The following ARFGEF1 variants were observed in gnomAD, a reference collection of about 807,000 sequenced individuals.
ARFGEF1 encodes brefeldin A-inhibited guanine nucleotide-exchange protein 1.
A neutral mutation model predicts 231.0 loss-of-function variants in ARFGEF1; 42 were observed. That is an observed-to-expected ratio of 0.18 (90% CI 0.14 to 0.24). The LOEUF is 0.24. ARFGEF1 is among the 10% of genes least tolerant of loss of function. The probability of loss-of-function intolerance (pLI) is 1.00; values close to 1 mark genes in which losing one functional copy is unlikely to be tolerated. For missense variants in ARFGEF1, 1,345 were observed against 2,192.0 expected, an observed-to-expected ratio of 0.61 and a Z score of 7.72; for synonymous variants, 710 against 732.3, an observed-to-expected ratio of 0.97 and a Z score of 0.49.
intron 5 of ARFGEF1, among the ~76,000 whole-genome samples, chr8:67,178,665 G>T (rs1832265256): frequency 6.6e-6 from 1 of 152,182 alleles, no homozygotes; most frequent in Non-Finnish European, 1.5e-5. Context: ...TCAGGGAGGT[G>T]TCTATGGGAA....
At chr8:67,339,538 C>G (rs1185816026) in intron 1 of ARFGEF1, among the ~76,000 whole-genome samples, 1 of 152,084 alleles carries the variant, frequency 6.6e-6, no homozygotes, top group Non-Finnish European at 1.5e-5. Context: ...ATGCTACCTT[C>G]AAGCCCAATC....
chr8:67,325,074 C>T (rs965371248), intron 1 of ARFGEF1, among the ~76,000 whole-genome samples: 6 of 151,992 alleles, frequency 3.9e-5, no homozygotes, highest in African/African-American at 1.5e-4. Context: ...CCACCATGCC[C>T]GGCTAATTTT....
intron 20 of ARFGEF1, among the ~76,000 whole-genome samples, chr8:67,239,723 G>A (rs1416974786): frequency 6.6e-6 from 1 of 151,866 alleles, no homozygotes; most frequent in African/African-American, 2.4e-5. Context: ...TTACTAGAAA[G>A]GACTTCTTTC....
intron 34 of ARFGEF1, among the ~76,000 whole-genome samples, chr8:67,207,903 T>C (rs111485471): frequency 0.025 from 3,798 of 152,202 alleles, 107 homozygotes; most frequent in South Asian, 0.047. Flanking sequence ...AAGGATGCAG[T>C]CTGACCCCAC....
At position 67,238,414 on chromosome 8, in the gene ARFGEF1, A is replaced by G. The variant is rs1839833457; in HGVS notation, c.3218T>C (p.Val1073Ala). Reference protein sequence around the residue: ...GVKPRYISGTVRGREGSLTGT... With the variant: ...GVKPRYISGTARGREGSLTGT... ...AGTAAGAGATCCTTCTCTGCCTCGC[A>G]CTGTTCCAGAAATGTATCGAGGTTT... The change falls in exon 22 of 39, where the codon GTG becomes GCG. Residue 1073 changes from valine (V) to alanine (A), a missense_variant. Val to Ala is a moderately conservative substitution (Grantham distance 64). Coordinates refer to ENST00000262215, the MANE Select transcript of ARFGEF1 (RefSeq NM_006421.5). 6.2e-7 allele frequency: 1 copy of G among 1,614,040 alleles called. No individual in the cohort carries two copies.
chr8:67,289,549 C>CAAAAA (rs552601455), intron 6 of ARFGEF1, among the ~76,000 whole-genome samples: 6 of 44,830 alleles, frequency 1.3e-4, no homozygotes, highest in Admixed American at 2.9e-4. Flanking sequence ...ACTCTGTATC[C>CAAAAA]AAAAAAAAAA....
rs1215192308 is a variant in ARFGEF1 at position 67,283,513 on chromosome 8, G to GA, written c.1027+4441dup. 5.9e-5 allele frequency among the ~76,000 whole-genome samples: 9 copies of GA among 151,988 alleles called. 1 individual carries two copies. Among genetic ancestry groups the GA allele is most frequent in the Non-Finnish European group, 1.2e-4 (8 of 67,948 alleles). On this transcript the variant is annotated intron_variant, in intron 7 of 38. Coordinates refer to ENST00000262215, the MANE Select transcript of ARFGEF1 (RefSeq NM_006421.5). ...ATGTAATATATATGCAGGCATGTGTGAAAAAAATTATTTAAAAAATTATGT... is the reference window on the plus strand; with the variant it reads ...ATGTAATATATATGCAGGCATGTGTGAAAAAAAATTATTTAAAAAATTATGT...
chr8:67,308,886 C>T (rs764313733), intron 1 of ARFGEF1, among the ~76,000 whole-genome samples: 19 of 152,056 alleles, frequency 1.2e-4, no homozygotes, highest in Non-Finnish European at 2.5e-4. Context: ...ACAAATCCAA[C>T]TCACATACTT....
chr8:67,202,212 T>G (rs923498460), intron 36 of ARFGEF1, among the ~76,000 whole-genome samples: 1 of 152,172 alleles, frequency 6.6e-6, no homozygotes, highest in African/African-American at 2.4e-5. Context: ...CTGCAGCCCC[T>G]CATCCTCCCA....
chr8:67,340,181 A>G (rs1341895402), intron 1 of ARFGEF1, among the ~76,000 whole-genome samples: 1 of 152,242 alleles, frequency 6.6e-6, no homozygotes, highest in Admixed American at 6.5e-5. Flanking sequence ...TTCAAACAAA[A>G]AAGGATTAAA....
At chr8:67,188,071 C>T (rs781263468) in intron 5 of ARFGEF1, among the ~76,000 whole-genome samples, 2 of 152,144 alleles carry the variant, frequency 1.3e-5, no homozygotes, top group Non-Finnish European at 2.9e-5. Flanking sequence ...CTATAAAAGA[C>T]ACTGTTAATT....
At chr8:67,270,758 C>T (rs1805050312) in intron 10 of ARFGEF1, among the ~76,000 whole-genome samples, 1 of 148,186 alleles carries the variant, frequency 6.7e-6, no homozygotes, top group South Asian at 2.1e-4. Flanking sequence ...GGCGCAGTGG[C>T]TCACACCTAT....
chr8:67,305,022 G>C (rs1356635468), intron 1 of ARFGEF1, among the ~76,000 whole-genome samples: 1 of 152,078 alleles, frequency 6.6e-6, no homozygotes, highest in Non-Finnish European at 1.5e-5. Context: ...GTTATAAGGT[G>C]AATTCCCATT....
chr8:67,211,640 G>A, intron 33 of ARFGEF1, 25 bp from the exon 34 acceptor site: 4 of 1,336,026 alleles, frequency 3.0e-6, no homozygotes, highest in East Asian at 2.6e-5. Context: ...AAAAATCACT[G>A]TAAGTATGGT....
At chr8:67,184,006 C>T (rs1833723384) in intron 5 of ARFGEF1, among the ~76,000 whole-genome samples, 1 of 152,014 alleles carries the variant, frequency 6.6e-6, no homozygotes, top group Non-Finnish European at 1.5e-5. Flanking sequence ...GCGCCTGCCA[C>T]CACGCCTGGC....
rs1804875007 is a variant in ARFGEF1, at chr8:67,266,894, T to C, written c.1903A>G (p.Asn635Asp). 6.2e-7 allele frequency: 1 copy of C among 1,612,630 alleles called. No individual in the cohort carries two copies. ...ACCTTACCAAGAGTTGTCTGGGAGT[T>C]GGGATTCACATACTGATCCTTACTC... Reference protein sequence around the residue: ...EWSKDQYVNPNSQTTLGQEKP... With the variant: ...EWSKDQYVNPDSQTTLGQEKP... Residue 635 changes from asparagine (N) to aspartate (D), a missense_variant, in exon 13 of 39, where the codon AAC becomes GAC. Transcript: ENST00000262215.
At chr8:67,228,827 ATTC>A (rs1839465918) in intron 23 of ARFGEF1, among the ~76,000 whole-genome samples, 1 of 152,074 alleles carries the variant, frequency 6.6e-6, no homozygotes, top group Non-Finnish European at 1.5e-5. Flanking sequence ...AGCTTTGCCC[ATTC>A]TTCTTTGCTG....
intron 5 of ARFGEF1, chr8:67,190,690 C>T (rs745372419): frequency 1.9e-6 from 3 of 1,613,946 alleles, no homozygotes; most frequent in South Asian, 2.2e-5. Flanking sequence ...AAGATGACGT[C>T]CTCCCTCCAC....
At chr8:67,241,914 G>T (rs1839942770) in intron 19 of ARFGEF1, among the ~76,000 whole-genome samples, 1 of 152,154 alleles carries the variant, frequency 6.6e-6, no homozygotes, top group Non-Finnish European at 1.5e-5. Flanking sequence ...GAGAGGGACA[G>T]TGCAGCAACT....
Sources: allele counts gnomAD v4.1 joint callset (sites outside exome capture counted in the v4.1 genomes callset), GRCh38; gene constraint gnomAD v4.1.1; transcripts MANE v1.5; gene names NCBI Gene and HGNC (gene_info 2026-07-23, HGNC 2026-07-21).